NTM: variants seen among roughly 807,000 people sequenced by gnomAD.
NTM encodes IgLON family member 2.
Under a neutral mutation model 42.1 loss-of-function variants are expected in NTM, and 13 were observed. That is an observed-to-expected ratio of 0.31 (90% confidence interval 0.20 to 0.49). NTM has a LOEUF of 0.49. Ranked by LOEUF, NTM falls within the 20% of genes least tolerant of loss-of-function variation. NTM has a pLI of 0.99. For missense variants in NTM, 373 were observed against 452.8 expected (o/e 0.82, Z 1.60); for synonymous variants, 187 against 179.2 (o/e 1.04, Z -0.35).
intron 2 of NTM, among the ~76,000 whole-genome samples, chr11:132,116,085 C>G (rs2063849649): frequency 6.6e-6 from 1 of 152,192 alleles, no homozygotes. Context: ...GGCACCGTAT[C>G]AGTCAGAAAC....
intron 1 of NTM, among the ~76,000 whole-genome samples, chr11:131,492,462 G>A (rs73572315): frequency 0.048 from 7,334 of 152,130 alleles, 571 homozygotes; most frequent in African/African-American, 0.17. Context: ...TCATAAAAAG[G>A]CATTGTTATT....
chr11:132,217,849 C>A (rs1209089682), intron 4 of NTM, among the ~76,000 whole-genome samples: 1 of 152,072 alleles, frequency 6.6e-6, no homozygotes, highest in Non-Finnish European at 1.5e-5. Flanking sequence ...GCCCTGAGCC[C>A]TGTGCTCCCC....
intron 2 of NTM, among the ~76,000 whole-genome samples, chr11:132,042,660 C>A (rs1354067383): frequency 1.3e-5 from 2 of 152,170 alleles, no homozygotes; most frequent in African/African-American, 4.8e-5. Context: ...ATGGGTCCTG[C>A]CATCAGAAGC....
At chr11:132,019,562 A>G (rs766665038) in intron 2 of NTM, among the ~76,000 whole-genome samples, 8 of 152,006 alleles carry the variant, frequency 5.3e-5, no homozygotes, top group Non-Finnish European at 7.4e-5. Context: ...ATACTGAAAT[A>G]TCCCAGCTTG....
intron 1 of NTM, among the ~76,000 whole-genome samples, chr11:131,501,303 C>T (rs1053973735): frequency 1.8e-4 from 28 of 152,150 alleles, no homozygotes; most frequent in South Asian, 4.2e-4. Context: ...GCAGAGGAGG[C>T]GATAGCTGTT....
intron 1 of NTM, among the ~76,000 whole-genome samples, chr11:131,612,415 G>A (rs892424205): frequency 2.6e-5 from 4 of 152,230 alleles, no homozygotes; most frequent in Non-Finnish European, 5.9e-5. Context: ...CTAGAACTGT[G>A]GAGAGTGCTC....
chr11:131,740,886 TGC>T (rs549368136), intron 1 of NTM, among the ~76,000 whole-genome samples: 78 of 152,266 alleles, frequency 5.1e-4, no homozygotes, highest in Admixed American at 1.0e-3. Context: ...GAGAAGGTGT[TGC>T]CAGGCATGGT....
At chr11:131,936,011 T>TTATATATATA (rs559967974) in intron 2 of NTM, among the ~76,000 whole-genome samples, 6 of 151,828 alleles carry the variant, frequency 4.0e-5, no homozygotes, top group African/African-American at 1.5e-4. Context: ...CATGGAAATT[T>TTATATATATA]TATATATATA....
chr11:131,759,711 G>T lies in NTM; in HGVS notation c.83-151853G>T, dbSNP rs557687305. Among the ~76,000 whole-genome samples the T allele has an allele frequency of 2.0e-5, 3 of 151,360 alleles. No individual in the cohort carries two copies. The East Asian group carries it at 5.8e-4, about 29-fold the overall frequency. ...TGATTTTATTACTTGGCTTGTTAGG[G>T]CTTATTTTCATAGCTGCTACCAAAC... is the stretch of plus-strand genomic sequence containing the variant. On this transcript the variant is annotated intron_variant, in intron 1 of 8. Coordinates refer to ENST00000683400, the MANE Select transcript of NTM (RefSeq NM_001352005.2).
At chr11:131,517,168 G>C (rs972330777) in intron 1 of NTM, among the ~76,000 whole-genome samples, 3 of 152,148 alleles carry the variant, frequency 2.0e-5, no homozygotes, top group African/African-American at 7.2e-5. Context: ...GCTGCTGATT[G>C]GGTCTCATTT....
chr11:131,737,372 C>T (rs1445883063), intron 1 of NTM, among the ~76,000 whole-genome samples: 1 of 152,162 alleles, frequency 6.6e-6, no homozygotes, highest in South Asian at 2.1e-4. Context: ...CCACAAGCAG[C>T]AGAGATCAAG....
intron 2 of NTM, among the ~76,000 whole-genome samples, chr11:132,066,775 G>T (rs7937593): frequency 0.12 from 18,560 of 151,996 alleles, 1,236 homozygotes; most frequent in South Asian, 0.19. Context: ...GCTCTGTTAT[G>T]AATTAATTGC....
At chr11:131,691,253 C>A (rs1030722964) in intron 1 of NTM, among the ~76,000 whole-genome samples, 1 of 152,228 alleles carries the variant, frequency 6.6e-6, no homozygotes, top group African/African-American at 2.4e-5. Flanking sequence ...CTTCGCAGAA[C>A]GTAGTTCAGA....
At chr11:132,050,646 T>C (rs2078725663) in intron 2 of NTM, among the ~76,000 whole-genome samples, 1 of 152,026 alleles carries the variant, frequency 6.6e-6, no homozygotes, top group Non-Finnish European at 1.5e-5. Flanking sequence ...AAAGCCTAGA[T>C]TGGGGCATCT....
chr11:131,694,048 C>A (rs895079898), intron 1 of NTM, among the ~76,000 whole-genome samples: 1 of 152,166 alleles, frequency 6.6e-6, no homozygotes, highest in African/African-American at 2.4e-5. Flanking sequence ...CACCTCTCCC[C>A]GACTTTCGTT....
chr11:132,016,231 C>A (rs929060378), intron 2 of NTM, among the ~76,000 whole-genome samples: 3 of 151,464 alleles, frequency 2.0e-5, no homozygotes, highest in African/African-American at 7.3e-5. Context: ...GTATGTTGAA[C>A]AATCAATGAT....
At chr11:131,385,383 G>A (rs1343284153) in intron 1 of NTM, 2 of 152,136 alleles carry the variant, frequency 1.3e-5, no homozygotes, top group African/African-American at 4.8e-5. Flanking sequence ...AGTCATTAGG[G>A]AACCACAAAT....
chr11:131,822,676 C>T (rs557312113), intron 1 of NTM, among the ~76,000 whole-genome samples: 3 of 152,254 alleles, frequency 2.0e-5, no homozygotes, highest in East Asian at 1.9e-4. Context: ...GTGTTACTTT[C>T]GTGTGTAATT....
intron 1 of NTM, among the ~76,000 whole-genome samples, chr11:131,646,501 T>C (rs556915976): frequency 4.9e-4 from 74 of 152,336 alleles, no homozygotes; most frequent in Non-Finnish European, 5.0e-4. Context: ...TGCAAGTCAA[T>C]TATTTCTTTA....
Sources: allele counts gnomAD v4.1 joint callset (sites outside exome capture counted in the v4.1 genomes callset), GRCh38; gene constraint gnomAD v4.1.1; transcripts MANE v1.5; gene names NCBI Gene and HGNC (gene_info 2026-07-23, HGNC 2026-07-21).